Variants in NDE1 observed in about 807,000 individuals in gnomAD.
NDE1 encodes nuclear distribution protein nudE homolog 1.
A neutral mutation model predicts 43.4 loss-of-function variants in NDE1; 28 were observed. That is an observed-to-expected ratio of 0.65 (90% CI 0.48 to 0.89). The LOEUF is 0.89. Ranked by LOEUF, NDE1 falls within the 40% of genes least tolerant of loss-of-function variation. NDE1 has a pLI of 0.00. For missense variants in NDE1, 441 were observed against 434.1 expected (o/e 1.02, Z -0.14); for synonymous variants, 184 against 172.0 (o/e 1.07, Z -0.55).
chr16:15,690,220 A>AT (rs2038663838), intron 5 of NDE1, among the ~76,000 whole-genome samples: 1 of 150,276 alleles, frequency 6.7e-6, no homozygotes, highest in African/African-American at 2.5e-5. Flanking sequence ...AATTTTTTGT[A>AT]TTTTTAATAG....
chr16:15,691,991 A>G (rs934099225), intron 6 of NDE1, among the ~76,000 whole-genome samples: 6 of 152,084 alleles, frequency 3.9e-5, no homozygotes, highest in African/African-American at 1.4e-4. Flanking sequence ...CCAAATACAA[A>G]AAAGTAAAAA....
intron 1 of NDE1, among the ~76,000 whole-genome samples, chr16:15,644,491 CTG>C (rs1567607161): frequency 6.6e-6 from 1 of 152,200 alleles, no homozygotes; most frequent in Admixed American, 6.5e-5. Flanking sequence ...TAAATCTTGA[CTG>C]TGGGCTGGGC....
intron 8 of NDE1, among the ~76,000 whole-genome samples, chr16:15,709,480 A>G (rs1313882844): frequency 6.6e-6 from 1 of 151,992 alleles, no homozygotes; most frequent in Non-Finnish European, 1.5e-5. Flanking sequence ...GTGGCTGGCT[A>G]ATTTTCATAT....
chr16:15,643,850 A>G (rs1567606148), exon 1 of NDE1: 1 of 157,454 alleles, frequency 6.4e-6, no homozygotes, highest in Non-Finnish European at 1.4e-5. Flanking sequence ...TATTTTTAAA[A>G]GCCCTGCTCC....
At chr16:15,671,186 A>T (rs985665919) in intron 3 of NDE1, among the ~76,000 whole-genome samples, 2 of 152,008 alleles carry the variant, frequency 1.3e-5, no homozygotes, top group Non-Finnish European at 2.9e-5. Flanking sequence ...CCATCCATCA[A>T]AATTTGTAAA....
Position 15,703,227 on chromosome 16 carries a change from C to T in NDE1, c.947+6367C>T, listed in dbSNP as rs886051728. The T allele has an allele frequency of 1.9e-5, 4 of 211,984 alleles. No homozygotes were observed. Among genetic ancestry groups the T allele is most frequent in the East Asian group, 7.0e-5 (1 of 14,238 alleles). 13.1% of individuals were successfully genotyped at this position (211,984 alleles called of 1,614,324 possible). On this transcript the variant is annotated intron_variant, in intron 8 of 8. Coordinates refer to ENST00000396354, the MANE Select transcript of NDE1 (RefSeq NM_017668.3). The stretch of plus-strand genomic sequence containing the variant: ...TTCCTGCTCCCCTCCGTGGGAGCAG[C>T]GTCTCCTTTTCAATTCATGTGACTA...
chr16:15,715,149 G>T, intron 8 of NDE1: 2 of 1,613,154 alleles, frequency 1.2e-6, no homozygotes, highest in South Asian at 2.2e-5. Context: ...AGGGAGGCTG[G>T]GTGGCAGGGG....
chr16:15,672,985 T>C (rs1369501216), intron 3 of NDE1, among the ~76,000 whole-genome samples: 1 of 152,120 alleles, frequency 6.6e-6, no homozygotes, highest in African/African-American at 2.4e-5. Context: ...AATCATCTGT[T>C]TGTTCTTTCT....
At chr16:15,698,868 A>T (rs1025442913) in intron 8 of NDE1, among the ~76,000 whole-genome samples, 116 of 147,568 alleles carry the variant, frequency 7.9e-4, no homozygotes, top group Admixed American at 5.5e-3. Flanking sequence ...CTCAAGAAAA[A>T]AAAAAAAATT....
intron 4 of NDE1, among the ~76,000 whole-genome samples, chr16:15,682,585 C>T (rs1163945189): frequency 6.6e-6 from 1 of 152,030 alleles, no homozygotes; most frequent in Non-Finnish European, 1.5e-5. Flanking sequence ...GTGTGCAGGA[C>T]CTAATTGGAA....
chr16:15,698,037 T>A (rs2039090223), intron 8 of NDE1, among the ~76,000 whole-genome samples: 1 of 151,914 alleles, frequency 6.6e-6, no homozygotes. Flanking sequence ...CTCGTGACAT[T>A]GTGATCCACC....
At chr16:15,706,170 T>C (rs4781680) in intron 8 of NDE1, among the ~76,000 whole-genome samples, 112,642 of 151,788 alleles carry the variant, frequency 0.74, 42,569 homozygotes, top group African/African-American at 0.9. Context: ...TGCAGCCACT[T>C]CAAAGTAAAC....
chr16:15,696,627 GGTTC>G, intron 7 of NDE1, 78 bp from the exon 8 acceptor site: 1 of 1,609,598 alleles, frequency 6.2e-7, no homozygotes. Flanking sequence ...CACTGTCTGG[GGTTC>G]GTTCTTCTGT....
At chr16:15,660,580 C>T (rs71376082) in intron 1 of NDE1, among the ~76,000 whole-genome samples, 3,352 of 152,222 alleles carry the variant, frequency 0.022, 98 homozygotes, top group African/African-American at 0.063. Context: ...TTTATTTCAT[C>T]GTCTTTTAGG....
chr16:15,695,851 C>T (rs2151138315), intron 7 of NDE1: 2 of 329,148 alleles, frequency 6.1e-6, no homozygotes, highest in South Asian at 1.2e-4. Context: ...CTTTTGGTTT[C>T]CTCAGGGTCT....
At chr16:15,651,012 G>A (rs1208043579) in intron 1 of NDE1, among the ~76,000 whole-genome samples, 1 of 152,144 alleles carries the variant, frequency 6.6e-6, no homozygotes, top group African/African-American at 2.4e-5. Context: ...TGCTTATTCC[G>A]CAGCTTGAGT....
Position 15,704,158 on chromosome 16 carries a change from G to T in NDE1, c.947+7298G>T, listed in dbSNP as rs115195346. On this transcript the variant is annotated intron_variant, in intron 8 of 8. Transcript: ENST00000396354. ...GTAAGAAAACACATTATTTAGCAAA[G>T]AAATCTTCATGGTTGGGATAGATTT... The T allele has an allele frequency of 4.9e-4, 795 of 1,612,550 alleles. 3 individuals are homozygous for T. The African/African-American group carries it at 9.1e-3, about 18-fold the overall frequency.
intron 5 of NDE1, among the ~76,000 whole-genome samples, chr16:15,688,097 G>A (rs957107789): frequency 1.3e-5 from 2 of 152,318 alleles, no homozygotes; most frequent in Non-Finnish European, 2.9e-5. Flanking sequence ...GATTGCTTCA[G>A]CCCAGGAGGT....
At chr16:15,723,885 G>C (rs148942771) in intron 8 of NDE1, among the ~76,000 whole-genome samples, 338 of 152,248 alleles carry the variant, frequency 2.2e-3, no homozygotes, top group African/African-American at 7.9e-3. Flanking sequence ...CCTTCTTCAG[G>C]CTAGAAACTA....
Sources: gnomAD v4.1 joint callset for allele counts (sites outside exome capture counted in the v4.1 genomes callset) on GRCh38, gnomAD v4.1.1 for gene constraint, MANE v1.5 for transcripts, NCBI Gene and HGNC (gene_info 2026-07-23, HGNC 2026-07-21) for gene names.